The following TRABD2B variants were observed in gnomAD, a reference collection of about 807,000 sequenced individuals.
TRABD2B encodes metalloprotease TIKI2.
In TRABD2B, 14 loss-of-function variants were observed where a neutral mutation model predicts 40.1. That is an observed-to-expected ratio of 0.35 (90% confidence interval 0.23 to 0.55). The LOEUF (loss-of-function observed/expected upper bound fraction) is 0.55, where lower values mean the gene tolerates loss of function less well. Among genes scored for constraint, TRABD2B ranks in the 20% least tolerant of loss-of-function variants. The pLI, the probability that TRABD2B is intolerant of heterozygous loss-of-function variation, is 0.90. For synonymous variants in TRABD2B, 263 were observed against 277.0 expected (o/e 0.95, Z 0.50); for missense variants, 541 against 648.6 (o/e 0.83, Z 1.80).
chr1:47,885,456 A>G (rs375917592), intron 2 of TRABD2B, among the ~76,000 whole-genome samples: 3 of 152,198 alleles, frequency 2.0e-5, no homozygotes, highest in East Asian at 1.9e-4. Flanking sequence ...TGGTATCTCC[A>G]GTGCCCATCA....
At chr1:47,938,121 G>C (rs1645138330) in intron 2 of TRABD2B, among the ~76,000 whole-genome samples, 1 of 152,250 alleles carries the variant, frequency 6.6e-6, no homozygotes, top group African/African-American at 2.4e-5. Context: ...AGGGAAATTA[G>C]ATGAGGCCAA....
intron 2 of TRABD2B, among the ~76,000 whole-genome samples, chr1:47,984,561 T>C (rs952218417): frequency 1.3e-5 from 2 of 152,234 alleles, no homozygotes; most frequent in African/African-American, 4.8e-5. Context: ...TTATGCAGCA[T>C]GGTCTCTCTC....
chr1:47,861,312 C>T lies in TRABD2B; in HGVS notation c.667-59693G>A, dbSNP rs147682327. Among the ~76,000 whole-genome samples the T allele has an allele frequency of 7.9e-5, 12 of 152,168 alleles. No homozygotes were observed. The East Asian group carries it at 2.3e-3, about 29-fold the overall frequency. ...GGTGGCGGGGGTATGTTATTGGCATCTAATGAGTAGAGGCCGGGAATGTTG... is the reference window on the plus strand; with the variant it reads ...GGTGGCGGGGGTATGTTATTGGCATTTAATGAGTAGAGGCCGGGAATGTTG... On this transcript the variant is annotated intron_variant, in intron 2 of 6. Coordinates refer to ENST00000606738, the MANE Select transcript of TRABD2B (RefSeq NM_001194986.2).
chr1:47,898,586 T>A (rs1239060487), intron 2 of TRABD2B, among the ~76,000 whole-genome samples: 2 of 152,222 alleles, frequency 1.3e-5, no homozygotes, highest in Non-Finnish European at 1.5e-5. Context: ...ATACGAGCTC[T>A]AACTCCCTTA....
rs1007667930 is a variant in TRABD2B at position 47,794,597 on chromosome 1, G to A, written c.977C>T (p.Ala326Val). The A allele has an allele frequency of 2.0e-6, 3 of 1,530,270 alleles. No individual in the cohort carries two copies. Among genetic ancestry groups the A allele is most frequent in the Admixed American group, 2.0e-5 (1 of 50,504 alleles). The allele number at this position is 1,530,270 out of a possible 1,614,324, so 94.8% of individuals were successfully genotyped here. ...ACACTGGCCCAAACCTGCTCCGAAG[G>A]CAAAGAAGCAGATCTTGTCCTCGTT... Reference protein sequence around the residue: ...RENEDKICFFAFGAGHFLGNN... With the variant: ...RENEDKICFFVFGAGHFLGNN... The change falls in exon 4 of 7, where the codon GCC becomes GTC. Residue 326 changes from alanine to valine, a missense_variant. Transcript: ENST00000606738.
intron 6 of TRABD2B, among the ~76,000 whole-genome samples, chr1:47,769,279 G>A (rs887055463): frequency 6.6e-6 from 1 of 152,254 alleles, no homozygotes; most frequent in Non-Finnish European, 1.5e-5. Flanking sequence ...CTGTTGGTTT[G>A]GTGGGCTGGC....
intron 4 of TRABD2B, among the ~76,000 whole-genome samples, chr1:47,791,579 G>A (rs1477197262): frequency 1.3e-5 from 2 of 152,150 alleles, no homozygotes; most frequent in African/African-American, 2.4e-5. Flanking sequence ...GGTCCCCACT[G>A]CCCGGCAGTC....
chr1:47,891,594 C>T (rs1466223332), intron 2 of TRABD2B, among the ~76,000 whole-genome samples: 1 of 151,998 alleles, frequency 6.6e-6, no homozygotes. Context: ...CCCAGGAGTT[C>T]GAGACTAGCC....
intron 2 of TRABD2B, among the ~76,000 whole-genome samples, chr1:47,947,134 T>G (rs17426137): frequency 0.023 from 3,568 of 152,316 alleles, 109 homozygotes; most frequent in Admixed American, 0.09. Context: ...TAAAGTCACA[T>G]TATTCTCAAA....
At chr1:47,964,716 C>G (rs149715401) in intron 2 of TRABD2B, among the ~76,000 whole-genome samples, 3 of 152,236 alleles carry the variant, frequency 2.0e-5, no homozygotes, top group African/African-American at 7.2e-5. Flanking sequence ...ACGGTAACAC[C>G]ATATTACTGT....
chr1:47,825,761 A>C (rs1645165959), intron 2 of TRABD2B, among the ~76,000 whole-genome samples: 1 of 151,186 alleles, frequency 6.6e-6, no homozygotes, highest in Non-Finnish European at 1.5e-5. Flanking sequence ...GCCGGGAGGA[A>C]GTGGCTGAGT....
intron 6 of TRABD2B, among the ~76,000 whole-genome samples, chr1:47,768,205 A>G (rs1441647250): frequency 6.6e-6 from 1 of 152,114 alleles, no homozygotes; most frequent in Non-Finnish European, 1.5e-5. Flanking sequence ...ACCTGGTGTG[A>G]TGTGCCATGA....
chr1:47,847,621 G>C (rs1645489652), intron 2 of TRABD2B, among the ~76,000 whole-genome samples: 1 of 152,150 alleles, frequency 6.6e-6, no homozygotes, highest in African/African-American at 2.4e-5. Flanking sequence ...CCTCACATCT[G>C]CTCCAGCGCC....
intron 5 of TRABD2B, among the ~76,000 whole-genome samples, chr1:47,776,112 C>T (rs1458346008): frequency 1.3e-5 from 2 of 151,924 alleles, no homozygotes; most frequent in Non-Finnish European, 1.5e-5. Flanking sequence ...GGCAAAGCAC[C>T]GAGAACAGTG....
rs190221853 is a variant in TRABD2B, at chr1:47,905,071, A to T, written c.666+88963T>A. Among the ~76,000 whole-genome samples the T allele has an allele frequency of 2.4e-3, 364 of 152,244 alleles. 1 individual carries two copies. Among genetic ancestry groups the T allele is most frequent in the African/African-American group, 7.9e-3 (330 of 41,572 alleles). Reference sequence around the variant, plus strand: ...GCTTTCAGGGAGCTCATGGTCAAAGAGGAGGAGAGGAGACAGGGAACAAGT... The same window carrying T: ...GCTTTCAGGGAGCTCATGGTCAAAGTGGAGGAGAGGAGACAGGGAACAAGT... On this transcript the variant is annotated intron_variant, in intron 2 of 6. Coordinates refer to ENST00000606738, the MANE Select transcript of TRABD2B (RefSeq NM_001194986.2).
In TRABD2B at chr1:47,984,665, A is replaced by G. The variant is rs113913217; in HGVS notation, c.666+9369T>C. On this transcript the variant is annotated intron_variant, in intron 2 of 6. Coordinates refer to ENST00000606738, the MANE Select transcript of TRABD2B (RefSeq NM_001194986.2). ...CCGTCCTCTAGCGTAGGTGCCTCCA[A>G]TCTCCTGAGCCTAGTACTCCCTAGG... Among the ~76,000 whole-genome samples, 1,420 of 152,180 alleles carry G rather than the reference A, an allele frequency of 9.3e-3. 36 individuals are homozygous for G. Among genetic ancestry groups the G allele is most frequent in the African/African-American group, 0.032 (1,343 of 41,520 alleles).
chr1:47,997,354 T>C lies in TRABD2B; in HGVS notation c.-565A>G, dbSNP rs1393855413. 3.6e-6 allele frequency: 1 copy of C among 280,512 alleles called. No individual in the cohort carries two copies. The highest frequency in any genetic ancestry group is 5.1e-6 in the Non-Finnish European group (1 of 197,330). The allele number at this position is 280,512 out of a possible 1,614,324, so 17.4% of individuals were successfully genotyped here. A position where few individuals can be genotyped will look rare whatever the true frequency, so the allele number is the denominator to read the frequency against. ...CGCGGCCGCTGCCCGGGCTCCGCCA[T>C]GCTGCTCCGCGGCCGGGAGGGAGGG... On this transcript the variant is annotated 5_prime_UTR_variant, in exon 1 of 7. An upstream start codon of the reference 5' UTR is lost. Transcript: ENST00000606738.
At chr1:47,891,674 C>T (rs909578521) in intron 2 of TRABD2B, among the ~76,000 whole-genome samples, 37 of 151,986 alleles carry the variant, frequency 2.4e-4, no homozygotes, top group African/African-American at 8.0e-4. Context: ...TAGTGGTGCA[C>T]GCTTGTAGTC....
chr1:47,965,712 A>G (rs1329855886), intron 2 of TRABD2B, among the ~76,000 whole-genome samples: 4 of 152,136 alleles, frequency 2.6e-5, no homozygotes, highest in African/African-American at 7.2e-5. Flanking sequence ...CCTTCATGAC[A>G]CCATGTGATC....
Sources: gnomAD v4.1 joint callset for allele counts (sites outside exome capture counted in the v4.1 genomes callset) on GRCh38, gnomAD v4.1.1 for gene constraint, MANE v1.5 for transcripts, NCBI Gene and HGNC (gene_info 2026-07-23, HGNC 2026-07-21) for gene names.